The following RPE variants were observed in gnomAD, a reference collection of about 807,000 sequenced individuals.
The protein encoded by RPE is ribulose-5-phosphate-3-epimerase.
RPE carries 16 observed loss-of-function variants against 24.6 expected under a neutral mutation model. The observed-to-expected ratio is 0.65, with a 90% CI of 0.44 to 0.99. The LOEUF (loss-of-function observed/expected upper bound fraction) is 0.99, where lower values mean the gene tolerates loss of function less well. RPE is among the 50% of genes least tolerant of loss of function. The pLI, the probability that RPE is intolerant of heterozygous loss-of-function variation, is 0.00. For synonymous variants in RPE, 93 were observed against 98.4 expected, an observed-to-expected ratio of 0.94 and a Z score of 0.33; for missense variants, 240 against 294.5, an observed-to-expected ratio of 0.81 and a Z score of 1.35.
intron 1 of RPE, among the ~76,000 whole-genome samples, chr2:210,008,337 C>T (rs1356733775): frequency 3.4e-5 from 5 of 148,418 alleles, no homozygotes; most frequent in Admixed American, 6.7e-5. Context: ...GCTCTGTTGC[C>T]CAGGCTGGAG....
chr2:210,017,134 C>G (rs1046135395), intron 4 of RPE, among the ~76,000 whole-genome samples: 5 of 152,164 alleles, frequency 3.3e-5, no homozygotes, highest in African/African-American at 1.2e-4. Context: ...GGCAGCCAAC[C>G]ACGCCTGGAA....
At chr2:210,012,080 T>A (rs374316415) in intron 2 of RPE, among the ~76,000 whole-genome samples, 29 of 152,298 alleles carry the variant, frequency 1.9e-4, no homozygotes, top group African/African-American at 5.8e-4. Context: ...GATTACATGT[T>A]GTGTTGTATA....
chr2:210,007,807 T>A (rs898864948), intron 1 of RPE, among the ~76,000 whole-genome samples: 12 of 152,266 alleles, frequency 7.9e-5, no homozygotes, highest in Non-Finnish European at 1.6e-4. Flanking sequence ...TAATACCTGC[T>A]GCTTTAACAA....
At chr2:210,004,511 AAATG>A (rs1278616528) in intron 1 of RPE, among the ~76,000 whole-genome samples, 2 of 152,236 alleles carry the variant, frequency 1.3e-5, no homozygotes, top group East Asian at 3.8e-4. Flanking sequence ...GTGTTGTCTC[AAATG>A]AAATGCTTTC....
chr2:210,010,556 C>T (rs1450834990), intron 2 of RPE, among the ~76,000 whole-genome samples: 3 of 152,070 alleles, frequency 2.0e-5, no homozygotes, highest in Admixed American at 6.6e-5. Flanking sequence ...GAGCCACCAG[C>T]CTAGCCATAA....
chr2:210,009,680 T>G lies in RPE; in HGVS notation c.146T>G (p.Phe49Cys). Residue 49 changes from phenylalanine to cysteine, a missense_variant, in exon 2 of 6, where the codon TTT (phenylalanine) becomes TGT (cysteine). Coordinates refer to ENST00000359429, the MANE Select transcript of RPE (RefSeq NM_199229.3). Reference protein sequence around the residue: ...MDGHFVPNITFGHPVVESLRK... With the variant: ...MDGHFVPNITCGHPVVESLRK... ...AGGCATTTTGTTCCCAACATCACCTTTGGTCACCCTGTGGTAGAAAGCCTT... is the reference window on the plus strand; with the variant it reads ...AGGCATTTTGTTCCCAACATCACCTGTGGTCACCCTGTGGTAGAAAGCCTT... The G allele has an allele frequency of 6.2e-7, 1 of 1,614,162 alleles. No individual in the cohort carries two copies. Among genetic ancestry groups the G allele is most frequent in the Non-Finnish European group, 8.5e-7 (1 of 1,180,006 alleles).
chr2:210,006,461 G>T (rs957529158), intron 1 of RPE, among the ~76,000 whole-genome samples: 2 of 152,104 alleles, frequency 1.3e-5, no homozygotes, highest in Non-Finnish European at 2.9e-5. Flanking sequence ...CGTGAACCTA[G>T]TGCATTGAAT....
chr2:210,016,233 G>A lies in RPE; in HGVS notation c.342+121G>A, dbSNP rs1206182089. The stretch of plus-strand genomic sequence containing the variant: ...GCTCTGTCACCCAGGCTGAAGTGCA[G>A]TGGCACAGTCAGGGCCCATTGCAGG... On this transcript the variant is annotated intron_variant, in intron 3 of 5. Transcript: ENST00000359429. The A allele has an allele frequency of 2.5e-6, 4 of 1,613,962 alleles. No homozygotes were observed. In the African/African-American group the frequency reaches 5.3e-5, roughly 22 times the overall value.
intron 2 of RPE, among the ~76,000 whole-genome samples, chr2:210,014,122 C>T (rs368766609): frequency 5.9e-5 from 9 of 151,392 alleles, no homozygotes; most frequent in African/African-American, 1.7e-4. Flanking sequence ...GATGGAGTCT[C>T]GCTCTGTCGC....
intron 1 of RPE, among the ~76,000 whole-genome samples, chr2:210,005,805 C>T (rs950976584): frequency 6.6e-6 from 1 of 152,142 alleles, no homozygotes; most frequent in Admixed American, 6.5e-5. Flanking sequence ...CTCTCAGCAG[C>T]ATTGAGTTTG....
At chr2:210,002,980 C>G (rs760312332) in intron 1 of RPE, among the ~76,000 whole-genome samples, 197 bp downstream of exon 1, 1 of 152,102 alleles carries the variant, frequency 6.6e-6, no homozygotes, top group Non-Finnish European at 1.5e-5. Flanking sequence ...GGGTTGCGGC[C>G]GGGTCCCAAA....
At chr2:210,016,263 G>T in intron 3 of RPE, 151 bp downstream of exon 3, 1 of 1,613,908 alleles carries the variant, frequency 6.2e-7, no homozygotes, top group Non-Finnish European at 8.5e-7. Flanking sequence ...TGCAGGTAAA[G>T]AATACCTTAC....
At chr2:210,006,990 T>G (rs527960532) in intron 1 of RPE, among the ~76,000 whole-genome samples, 6 of 152,332 alleles carry the variant, frequency 3.9e-5, no homozygotes, top group South Asian at 2.1e-4. Flanking sequence ...TCCCCTTGTT[T>G]GTTTCGTTTG....
chr2:210,019,269 C>CA (rs2093823791), intron 5 of RPE, among the ~76,000 whole-genome samples: 2 of 152,164 alleles, frequency 1.3e-5, no homozygotes, highest in South Asian at 4.1e-4. Flanking sequence ...CTTTCACACT[C>CA]ACAAATTCAT....
chr2:210,019,580 G>A, intron 5 of RPE, 89 bp from the exon 6 acceptor site: 1 of 1,464,168 alleles, frequency 6.8e-7, no homozygotes, highest in Non-Finnish European at 9.2e-7. Flanking sequence ...GTTGACAGAT[G>A]CAAGGGTAGA....
At chr2:210,018,359 C>T in intron 5 of RPE, 3 of 1,362,224 alleles carry the variant, frequency 2.2e-6, no homozygotes, top group South Asian at 1.9e-5. Flanking sequence ...CCTGATACCT[C>T]TTTGGCTATC....
intron 1 of RPE, among the ~76,000 whole-genome samples, chr2:210,005,054 A>G (rs1399551100): frequency 6.6e-6 from 1 of 152,210 alleles, no homozygotes; most frequent in Non-Finnish European, 1.5e-5. Context: ...CAAAGGAGGA[A>G]ACCAGTGTAG....
rs201127781 is a variant in RPE, at chr2:210,019,632, T to G, written c.565-37T>G. On this transcript the variant is annotated intron_variant, in intron 5 of 5. Coordinates refer to ENST00000359429, the MANE Select transcript of RPE (RefSeq NM_199229.3). ...TTCTGTTTTAGGTTTTTCTACATTT[T>G]CCTTTGAGGCATAACCTAACTGTTT... The G allele has an allele frequency of 2.7e-5, 43 of 1,598,382 alleles. No homozygotes were observed. In the East Asian group the frequency reaches 9.2e-4, roughly 34 times the overall value.
At chr2:210,018,688 A>G (rs1378363683) in intron 5 of RPE, 4 of 985,220 alleles carry the variant, frequency 4.1e-6, no homozygotes, top group East Asian at 1.1e-4. Context: ...CTTTGCCAGT[A>G]TACTATTCCT....
Sources: gnomAD v4.1 joint callset for allele counts (sites outside exome capture counted in the v4.1 genomes callset) on GRCh38, gnomAD v4.1.1 for gene constraint, MANE v1.5 for transcripts, NCBI Gene and HGNC (gene_info 2026-07-23, HGNC 2026-07-21) for gene names.